Variants in PBRM1 observed in about 807,000 individuals in gnomAD.
PBRM1 encodes the protein protein polybromo-1.
PBRM1 carries 27 observed loss-of-function variants against 194.5 expected under a neutral mutation model. That is an observed-to-expected ratio of 0.14 (90% CI 0.10 to 0.19). The LOEUF (loss-of-function observed/expected upper bound fraction) is 0.19, where lower values mean the gene tolerates loss of function less well. PBRM1 is among the 10% of genes least tolerant of loss of function. The probability of loss-of-function intolerance (pLI) is 1.00; values close to 1 mark genes in which losing one functional copy is unlikely to be tolerated. For missense variants in PBRM1, 1,466 were observed against 2,077.2 expected (o/e 0.71, Z 5.72); for synonymous variants, 655 against 693.2 (o/e 0.94, Z 0.87).
Position 52,674,640 on chromosome 3 carries a change from AAAAATAT to A in PBRM1, c.236+3853_236+3859del, listed in dbSNP as rs1352806092. On this transcript the variant is annotated intron_variant, in intron 2 of 29. Transcript: ENST00000296302. ...CCCTGTCTCTACCAAAAAAAAAAAA[AAAAATAT>A]ATATATATATATATATATACACACA... 4.9e-4 allele frequency among the ~76,000 whole-genome samples: 36 copies of A among 73,740 alleles called. 1 individual carries two copies. Among genetic ancestry groups the A allele is most frequent in the South Asian group, 1.6e-3 (5 of 3,138 alleles). The allele number at this position is 73,740 out of a possible 152,430, so 48.4% of individuals were successfully genotyped here.
At chr3:52,599,924 A>G (rs1275388225) in intron 17 of PBRM1, among the ~76,000 whole-genome samples, 1 of 152,104 alleles carries the variant, frequency 6.6e-6, no homozygotes, top group Non-Finnish European at 1.5e-5. Context: ...TATTATTTTT[A>G]AATACATTTT....
Position 52,679,437 on chromosome 3 carries a change from C to A in PBRM1, c.138+137G>T. Reference sequence around the variant, plus strand: ...AAGACTTAGCTGAATACATAATGTTCATAAAAGAAAAGACTATTAATCAAG... The same window carrying A: ...AAGACTTAGCTGAATACATAATGTTAATAAAAGAAAAGACTATTAATCAAG... On this transcript the variant is annotated intron_variant, in intron 1 of 29. Transcript: ENST00000296302. The A allele has an allele frequency of 5.5e-6, 4 of 725,294 alleles. No homozygotes were observed. In the East Asian group the frequency reaches 7.7e-5, roughly 14 times the overall value. The allele number at this position is 725,294 out of a possible 1,614,324, so 44.9% of individuals were successfully genotyped here.
At chr3:52,563,712 G>A (rs2084280165) in intron 23 of PBRM1, among the ~76,000 whole-genome samples, 1 of 150,782 alleles carries the variant, frequency 6.6e-6, no homozygotes, top group Non-Finnish European at 1.5e-5. Flanking sequence ...CAAAAGTATT[G>A]TGTCCAAAGT....
intron 17 of PBRM1, among the ~76,000 whole-genome samples, chr3:52,593,516 C>T (rs983570415): frequency 3.9e-5 from 6 of 152,188 alleles, no homozygotes; most frequent in African/African-American, 1.4e-4. Context: ...GGATTATAGG[C>T]ATGAGCCACC....
chr3:52,661,532 G>A (rs1432208836), intron 4 of PBRM1, among the ~76,000 whole-genome samples: 1 of 152,070 alleles, frequency 6.6e-6, no homozygotes, highest in Non-Finnish European at 1.5e-5. Context: ...GACAGGGTGG[G>A]GTAGGGGCTG....
chr3:52,654,635 G>A (rs2096572862), intron 5 of PBRM1, among the ~76,000 whole-genome samples: 1 of 152,068 alleles, frequency 6.6e-6, no homozygotes, highest in Non-Finnish European at 1.5e-5. Flanking sequence ...AGGGGGAATG[G>A]GGGGAACTAA....
chr3:52,662,018 C>G, intron 4 of PBRM1, 115 bp downstream of exon 5: 1 of 1,016,192 alleles, frequency 9.8e-7, no homozygotes, highest in South Asian at 1.6e-5. Context: ...TCCCAGTTAC[C>G]AATACAATTG....
intron 2 of PBRM1, among the ~76,000 whole-genome samples, chr3:52,672,446 C>T (rs560159083): frequency 1.3e-5 from 2 of 150,012 alleles, no homozygotes; most frequent in African/African-American, 2.5e-5. Context: ...CACTCATATA[C>T]GTTTTCAGAA....
At chr3:52,553,810 C>T (rs1203239153) in intron 27 of PBRM1, among the ~76,000 whole-genome samples, 1 of 151,930 alleles carries the variant, frequency 6.6e-6, no homozygotes, top group Non-Finnish European at 1.5e-5. Flanking sequence ...TACAGGTGCC[C>T]GCCACCACGC....
Position 52,644,807 on chromosome 3 carries a change from C to T in PBRM1, c.814-18G>A, listed in dbSNP as rs1413744094. 7.9e-7 allele frequency: 1 copy of T among 1,264,320 alleles called. No individual in the cohort carries two copies. Among genetic ancestry groups the T allele is most frequent in the East Asian group, 2.3e-5 (1 of 42,620 alleles). 78.3% of individuals were successfully genotyped at this position (1,264,320 alleles called of 1,614,324 possible). A position where few individuals can be genotyped will look rare whatever the true frequency, so the allele number is the denominator to read the frequency against. ...TTTGCATCCTGTCAAGATAAAATTA[C>T]TTGGTTTAAAAAAGGAACAGATAAA... On this transcript the variant is annotated intron_variant, in intron 7 of 29. Coordinates refer to ENST00000296302, the Ensembl canonical transcript of PBRM1.
At chr3:52,643,738 G>A (rs1211063645) in intron 8 of PBRM1, among the ~76,000 whole-genome samples, 1 of 152,200 alleles carries the variant, frequency 6.6e-6, no homozygotes, top group African/African-American at 2.4e-5. Flanking sequence ...TTGGGAGGCC[G>A]AGGCGGGTGG....
rs1292265269 is a variant in PBRM1 at position 52,675,983 on chromosome 3, C to T, written c.236+2517G>A. On this transcript the variant is annotated intron_variant, in intron 2 of 29. Transcript: ENST00000296302. ...ACAAAAAATTAGCCGGGCGTAGTGG[C>T]GGGCGCCTGTAGTCCCAGCTACTTG... Among the ~76,000 whole-genome samples the T allele has an allele frequency of 6.2e-5, 6 of 97,414 alleles. 2 individuals carry two copies. In the East Asian group the frequency reaches 8.4e-4, roughly 14 times the overall value. 63.9% of individuals were successfully genotyped at this position (97,414 alleles called of 152,430 possible).
intron 17 of PBRM1, among the ~76,000 whole-genome samples, chr3:52,599,688 C>T (rs1318659345): frequency 2.7e-5 from 4 of 150,602 alleles, no homozygotes; most frequent in African/African-American, 4.9e-5. Flanking sequence ...ATTAACCAAG[C>T]GTGGTGATGG....
intron 2 of PBRM1, among the ~76,000 whole-genome samples, chr3:52,669,779 C>T (rs2096910832): frequency 6.6e-6 from 1 of 152,144 alleles, no homozygotes; most frequent in South Asian, 2.1e-4. Flanking sequence ...CATGATGCCC[C>T]ATCACGCCTG....
In PBRM1 at chr3:52,668,178, T is replaced by C. The variant is rs543813417; in HGVS notation, c.384+320A>G. ...TGGGCATGGTGGCACGTGCCTATAG[T>C]GCCAGCTACTCAGAAGGGTGAGGTG... On this transcript the variant is annotated intron_variant, in intron 3 of 29. Coordinates refer to ENST00000296302, the Ensembl canonical transcript of PBRM1. 6.2e-4 allele frequency among the ~76,000 whole-genome samples: 94 copies of C among 152,240 alleles called. 1 individual carries two copies. Among genetic ancestry groups the C allele is most frequent in the Non-Finnish European group, 1.1e-3 (78 of 67,994 alleles).
At chr3:52,586,652 C>G (rs1160034633) in exon 20 of PBRM1, 1 of 1,606,928 alleles carries the variant, frequency 6.2e-7, no homozygotes, top group African/African-American at 1.4e-5. Flanking sequence ...AAAACATCCT[C>G]ATCTCGGAAG....
At chr3:52,660,134 A>C (rs2096688615) in intron 4 of PBRM1, among the ~76,000 whole-genome samples, 1 of 152,178 alleles carries the variant, frequency 6.6e-6, no homozygotes, top group Non-Finnish European at 1.5e-5. Context: ...ATAAATGTGA[A>C]TGTACAAGAC....
rs1434291616 is a variant in PBRM1, at chr3:52,550,273, GAAACTCC to G, written c.4897+141_4897+147del. The G allele has an allele frequency of 5.4e-5, 22 of 405,780 alleles. No individual in the cohort carries two copies. In the South Asian group the frequency reaches 2.0e-3, roughly 37 times the overall value. The allele number at this position is 405,780 out of a possible 1,614,324, so 25.1% of individuals were successfully genotyped here. A position where few individuals can be genotyped will look rare whatever the true frequency, so the allele number is the denominator to read the frequency against. On this transcript the variant is annotated intron_variant, in intron 29 of 29. Transcript: ENST00000296302. ...TCAGTGTGTTACGTAAACATGCAAA[GAAACTCC>G]AAACCATTTATGAAATATATAATTT... is the stretch of plus-strand genomic sequence containing the variant.
chr3:52,582,241 CAAA>C (rs71084194), intron 20 of PBRM1, among the ~76,000 whole-genome samples: 2 of 91,250 alleles, frequency 2.2e-5, no homozygotes, highest in East Asian at 3.5e-4. Flanking sequence ...GACTCCGTTT[CAAA>C]AAAAAAAAAA....
Sources: allele counts gnomAD v4.1 joint callset (sites outside exome capture counted in the v4.1 genomes callset), GRCh38; gene constraint gnomAD v4.1.1; transcripts MANE v1.5; gene names NCBI Gene and HGNC (gene_info 2026-07-23, HGNC 2026-07-21).